The following TNS1 variants were observed in gnomAD, a reference collection of about 807,000 sequenced individuals.
TNS1 encodes tensin-1.
TNS1 carries 62 observed loss-of-function variants against 168.6 expected under a neutral mutation model. The observed-to-expected ratio is 0.37, with a 90% confidence interval of 0.30 to 0.45. TNS1 has a LOEUF of 0.45. TNS1 is among the 20% of genes least tolerant of loss of function. The pLI is 1.00. For missense variants in TNS1, 2,240 were observed against 2,339.4 expected (o/e 0.96, Z 0.88); for synonymous variants, 934 against 933.2 (o/e 1.00, Z -0.02).
At position 217,847,907 on chromosome 2, in the gene TNS1, GGA is replaced by G. The variant is rs988751978; in HGVS notation, c.2608_2609del (p.Ser870LeufsTer32). On this transcript the variant is annotated frameshift_variant, in exon 19 of 33. Coordinates refer to ENST00000682258, the MANE Select transcript of TNS1 (RefSeq NM_001387777.1). LOFTEE classifies it high-confidence loss of function. Reference sequence around the variant, plus strand: ...GGGAGGATCCAGAGAGGGGCTGGGAGGAGAGTGGAGAAGCCCCTGGCCAGGCC... The same window carrying G: ...GGGAGGATCCAGAGAGGGGCTGGGAGGAGTGGAGAAGCCCCTGGCCAGGCC... ...PGAWPGASPL[S>X]SQPLSGSSRQ... The G allele has an allele frequency of 6.5e-7, 1 of 1,536,158 alleles. No individual in the cohort carries two copies. The highest frequency in any genetic ancestry group is 8.8e-7 in the Non-Finnish European group (1 of 1,135,416).
At chr2:218,020,646 T>C (rs1028527099) in intron 1 of TNS1, among the ~76,000 whole-genome samples, 5 of 152,172 alleles carry the variant, frequency 3.3e-5, no homozygotes, top group African/African-American at 1.2e-4. Flanking sequence ...AGAACTTCTG[T>C]GTCCAGCTGT....
Position 217,817,610 on chromosome 2 carries a change from A to G in TNS1, c.4642+80T>C. On this transcript the variant is annotated intron_variant, in intron 24 of 32. Transcript: ENST00000682258. ...GGTCGTCTGCCAAGAGAATGTCAGA[A>G]TAGACACTGGGATAGATATTTCACT... 7 of 1,261,960 alleles carry G rather than the reference A, an allele frequency of 5.5e-6. No homozygotes were observed. The South Asian group carries it at 8.5e-5, about 15-fold the overall frequency. The allele number at this position is 1,261,960 out of a possible 1,614,324, so 78.2% of individuals were successfully genotyped here.
intron 3 of TNS1, among the ~76,000 whole-genome samples, chr2:217,974,909 C>T (rs1194443398): frequency 1.3e-5 from 2 of 152,174 alleles, no homozygotes; most frequent in Admixed American, 1.3e-4. Context: ...TGATTCTTGC[C>T]TCATGGTATT....
intron 1 of TNS1, among the ~76,000 whole-genome samples, chr2:218,031,068 A>G (rs1257263299): frequency 6.8e-6 from 1 of 147,434 alleles, no homozygotes; most frequent in Non-Finnish European, 1.5e-5. Context: ...GTGTGAGTGT[A>G]TGTGTGTGTT....
intron 2 of TNS1, among the ~76,000 whole-genome samples, chr2:217,984,652 C>T (rs1452581768): frequency 6.6e-6 from 1 of 151,468 alleles, no homozygotes; most frequent in Non-Finnish European, 1.5e-5. Flanking sequence ...CCACACCCAG[C>T]TATTTTATTT....
rs575837527 is a variant in TNS1, at chr2:217,938,184, A to C, written c.187-17948T>G. ...CAAAAAAAAGCTTAATGCCTTTTGCAGCTGCAACTGGGCGGGCCAGGGGTC... is the reference window on the plus strand; with the variant it reads ...CAAAAAAAAGCTTAATGCCTTTTGCCGCTGCAACTGGGCGGGCCAGGGGTC... On this transcript the variant is annotated intron_variant, in intron 3 of 32. Coordinates refer to ENST00000682258, the MANE Select transcript of TNS1 (RefSeq NM_001387777.1). Among the ~76,000 whole-genome samples the C allele has an allele frequency of 6.6e-5, 10 of 152,236 alleles. 1 individual carries two copies. The highest frequency in any genetic ancestry group is 1.5e-4 in the Non-Finnish European group (10 of 68,046).
chr2:218,014,944 G>A (rs1004273701), upstream of TNS1, among the ~76,000 whole-genome samples: 1 of 151,928 alleles, frequency 6.6e-6, no homozygotes, highest in African/African-American at 2.4e-5. Context: ...AGGCAGGCAG[G>A]CAGGCAAGGC....
chr2:218,008,612 G>A (rs1958680152), intron 1 of TNS1, among the ~76,000 whole-genome samples: 2 of 152,242 alleles, frequency 1.3e-5, no homozygotes, highest in South Asian at 2.1e-4. Context: ...TTTGCTGGAA[G>A]ATTTCAAAGC....
chr2:217,948,415 G>A lies in TNS1; in HGVS notation c.187-28179C>T, dbSNP rs889583400. On this transcript the variant is annotated intron_variant, in intron 3 of 32. Transcript: ENST00000682258. The surrounding 1 kb of genome is among the most constrained non-coding windows in gnomAD (Gnocchi z 4.1). ...CTGCTTCCTTCCCAAGATGTCCTGG[G>A]GCAGAGGCTATTCTGGGCCTCTGAA... Among the ~76,000 whole-genome samples the A allele has an allele frequency of 9.8e-5, 15 of 152,312 alleles. No homozygotes were observed. Among genetic ancestry groups the A allele is most frequent in the African/African-American group, 3.1e-4 (13 of 41,564 alleles).
At chr2:217,946,653 T>C (rs1957111948) in intron 3 of TNS1, among the ~76,000 whole-genome samples, 1 of 152,132 alleles carries the variant, frequency 6.6e-6, no homozygotes, top group Admixed American at 6.5e-5. Flanking sequence ...CAGATTGGGC[T>C]GGGAGACGGG....
chr2:217,815,267 G>A, intron 24 of TNS1: 1 of 410,174 alleles, frequency 2.4e-6, no homozygotes, highest in South Asian at 4.2e-5. Flanking sequence ...CTGGGGTGAT[G>A]CGTCTACATG....
intron 31 of TNS1, 82 bp from the exon 32 acceptor site, chr2:217,808,189 A>G: frequency 6.5e-7 from 1 of 1,531,164 alleles, no homozygotes. Flanking sequence ...GACCCTCTGC[A>G]GGAAGGTCTG....
At position 217,893,467 on chromosome 2, in the gene TNS1, G is replaced by A. The variant is rs1413984557; in HGVS notation, c.689C>T (p.Pro230Leu). Residue 230 changes from proline to leucine, a missense_variant, in exon 10 of 33, where the codon CCT becomes CTT. Transcript: ENST00000682258. ...GTTGTGTAGAACAACGACATTGTGA[G>A]GGTCTGCATTGAGCCATGTGTCCAT... ...KAMDTWLNAD[P>L]HNVVVLHNKG... The A allele has an allele frequency of 6.2e-7, 1 of 1,610,772 alleles. No individual in the cohort carries two copies.
chr2:217,952,519 G>A (rs375363256), intron 3 of TNS1, among the ~76,000 whole-genome samples: 59 of 152,290 alleles, frequency 3.9e-4, no homozygotes, highest in African/African-American at 1.4e-3. Flanking sequence ...CAGTGCAGAA[G>A]TCAGCAGGCC....
chr2:217,952,462 C>T (rs1469594158), intron 3 of TNS1, among the ~76,000 whole-genome samples: 1 of 151,930 alleles, frequency 6.6e-6, no homozygotes, highest in African/African-American at 2.4e-5. Context: ...CGGTGACTCT[C>T]CCGCGCCACA....
chr2:217,990,581 C>T (rs1379171365), intron 2 of TNS1, among the ~76,000 whole-genome samples: 1 of 152,196 alleles, frequency 6.6e-6, no homozygotes, highest in Non-Finnish European at 1.5e-5. Flanking sequence ...GCCATCCACA[C>T]ACCCTCAACA....
chr2:217,847,925 T>G lies in TNS1; in HGVS notation c.2592A>C (p.Pro864=). ...GCTGGGAGGAGAGTGGAGAAGCCCC[T>G]GGCCAGGCCCCGGGGACACTCTGGG... is the stretch of plus-strand genomic sequence containing the variant. ...HKSQSVPGAW[P]GASPLSSQPL... The change falls in exon 19 of 33, where the codon CCA becomes CCC. Residue 864 remains proline, a synonymous_variant. Transcript: ENST00000682258. The G allele has an allele frequency of 6.6e-7, 1 of 1,523,148 alleles. No homozygotes were observed. Among genetic ancestry groups the G allele is most frequent in the Non-Finnish European group, 8.8e-7 (1 of 1,131,094 alleles). The allele number at this position is 1,523,148 out of a possible 1,614,324, so 94.4% of individuals were successfully genotyped here. A position where few individuals can be genotyped will look rare whatever the true frequency, so the allele number is the denominator to read the frequency against.
At chr2:218,013,549 C>T (rs1412496808), upstream of TNS1, among the ~76,000 whole-genome samples, 1 of 152,188 alleles carries the variant, frequency 6.6e-6, no homozygotes, top group Non-Finnish European at 1.5e-5. Flanking sequence ...ATCTCCCTCC[C>T]CAGTGCTACT....
chr2:218,002,087 C>T (rs1491003705), intron 1 of TNS1, among the ~76,000 whole-genome samples: 3 of 152,192 alleles, frequency 2.0e-5, no homozygotes, highest in Non-Finnish European at 4.4e-5. Flanking sequence ...CCTCTCCCAT[C>T]CCCCTTTACC....
Sources: allele counts gnomAD v4.1 joint callset (sites outside exome capture counted in the v4.1 genomes callset), GRCh38; gene constraint gnomAD v4.1.1; non-coding constraint Gnocchi (gnomAD v3.1); transcripts MANE v1.5; gene names NCBI Gene and HGNC (gene_info 2026-07-23, HGNC 2026-07-21).